Variants in LDLRAD3 observed in about 807,000 individuals in gnomAD.
LDLRAD3 encodes low-density lipoprotein receptor class A domain-containing protein 3.
In LDLRAD3, 20 loss-of-function variants were observed where a neutral mutation model predicts 29.4. The ratio of observed to expected loss-of-function variants is 0.68; its 90% CI spans 0.48 to 0.99. The LOEUF (loss-of-function observed/expected upper bound fraction) is 0.99, where lower values mean the gene tolerates loss of function less well. LDLRAD3 is among the 50% of genes least tolerant of loss of function. The probability of loss-of-function intolerance (pLI) is 0.00; values close to 1 mark genes in which losing one functional copy is unlikely to be tolerated. For missense variants in LDLRAD3, 420 were observed against 454.3 expected, an observed-to-expected ratio of 0.92 and a Z score of 0.69; for synonymous variants, 157 against 192.7, an observed-to-expected ratio of 0.81 and a Z score of 1.53.
At chr11:35,976,505 A>G (rs547571428) in intron 1 of LDLRAD3, among the ~76,000 whole-genome samples, 1 of 152,270 alleles carries the variant, frequency 6.6e-6, no homozygotes, top group South Asian at 2.1e-4. Flanking sequence ...GGGGCAATGG[A>G]TGAGGGATGC....
intron 4 of LDLRAD3, among the ~76,000 whole-genome samples, chr11:36,185,340 G>A (rs963335460): frequency 6.6e-6 from 1 of 152,172 alleles, no homozygotes; most frequent in Non-Finnish European, 1.5e-5. Context: ...AGATCAAATA[G>A]TACTTTTAGA....
At chr11:36,089,785 T>C (rs1405364826) in intron 3 of LDLRAD3, among the ~76,000 whole-genome samples, 7 of 151,802 alleles carry the variant, frequency 4.6e-5, no homozygotes, top group Admixed American at 4.6e-4. Context: ...CTTTTTTTTT[T>C]TTTTTTTGTA....
At chr11:36,113,776 C>T (rs995886488) in intron 4 of LDLRAD3, among the ~76,000 whole-genome samples, 6 of 150,964 alleles carry the variant, frequency 4.0e-5, no homozygotes, top group South Asian at 2.1e-4. Context: ...CAGGTTCATG[C>T]GATTCTCCTG....
chr11:36,221,884 T>C (rs1226922680), intron 4 of LDLRAD3, among the ~76,000 whole-genome samples: 1 of 152,188 alleles, frequency 6.6e-6, no homozygotes, highest in Admixed American at 6.5e-5. Flanking sequence ...TTTGCTTTTT[T>C]CCCCTTATTT....
intron 4 of LDLRAD3, among the ~76,000 whole-genome samples, chr11:36,124,378 C>CT (rs1420037200): frequency 6.6e-6 from 1 of 152,140 alleles, no homozygotes; most frequent in Non-Finnish European, 1.5e-5. Context: ...TTGTAACTGA[C>CT]TTTTTTAATA....
intron 2 of LDLRAD3, among the ~76,000 whole-genome samples, chr11:36,075,134 C>T (rs1852975852): frequency 6.6e-6 from 1 of 152,104 alleles, no homozygotes; most frequent in Non-Finnish European, 1.5e-5. Context: ...TGACCAGCCT[C>T]TCATAAAAAC....
In LDLRAD3 at chr11:36,213,941, C is replaced by T. The variant is rs548604995; in HGVS notation, c.455-13144C>T. Among the ~76,000 whole-genome samples, 1 of 152,332 alleles carries T rather than the reference C, an allele frequency of 6.6e-6. No individual in the cohort carries two copies. Among genetic ancestry groups the T allele is most frequent in the Admixed American group, 6.5e-5 (1 of 15,308 alleles). ...GGTAAAAGGAAACTACAGAAGCAAG[C>T]TCACAGTCGCTTCACTCGGCTCAAA... On this transcript the variant is annotated intron_variant, in intron 4 of 5. Transcript: ENST00000315571. This position sits in a 1 kb window ranked among gnomAD's most constrained non-coding sequence, Gnocchi z 4.1.
chr11:36,111,848 C>T (rs1340766489), intron 4 of LDLRAD3, among the ~76,000 whole-genome samples: 4 of 152,340 alleles, frequency 2.6e-5, no homozygotes, highest in South Asian at 2.1e-4. Context: ...CCACCTGCCT[C>T]GGCCTCCCAA....
chr11:36,195,083 A>G (rs1008452224), intron 4 of LDLRAD3, among the ~76,000 whole-genome samples: 1 of 152,176 alleles, frequency 6.6e-6, no homozygotes, highest in African/African-American at 2.4e-5. Context: ...GAGCTTTTTA[A>G]AAGAGGAAAT....
At chr11:36,146,770 CTACTT>C (rs769768262) in intron 4 of LDLRAD3, among the ~76,000 whole-genome samples, 22 of 57,552 alleles carry the variant, frequency 3.8e-4, no homozygotes, top group South Asian at 6.0e-4. Flanking sequence ...AAATTTCCCT[CTACTT>C]TATTTTATTT....
chr11:36,193,814 G>A (rs937655151), intron 4 of LDLRAD3, among the ~76,000 whole-genome samples: 2 of 152,118 alleles, frequency 1.3e-5, no homozygotes, highest in African/African-American at 2.4e-5. Context: ...AAAAGCCACC[G>A]AGTGTAGTGG....
chr11:36,044,948 T>G (rs974220857), intron 2 of LDLRAD3, among the ~76,000 whole-genome samples: 28 of 152,256 alleles, frequency 1.8e-4, no homozygotes, highest in African/African-American at 5.3e-4. Context: ...GCGCTCAGGC[T>G]TCTCAGCCTC....
chr11:36,160,418 A>G (rs534738869), intron 4 of LDLRAD3, among the ~76,000 whole-genome samples: 2 of 152,242 alleles, frequency 1.3e-5, no homozygotes, highest in East Asian at 3.9e-4. Context: ...TCCTCCTTGA[A>G]ATATTTAATT....
At chr11:36,061,476 G>T (rs1852699495) in intron 2 of LDLRAD3, among the ~76,000 whole-genome samples, 1 of 152,118 alleles carries the variant, frequency 6.6e-6, no homozygotes, top group African/African-American at 2.4e-5. Flanking sequence ...ACCTGGCATA[G>T]TGGAGGTGAT....
At chr11:36,168,196 T>C (rs1854542189) in intron 4 of LDLRAD3, among the ~76,000 whole-genome samples, 1 of 152,202 alleles carries the variant, frequency 6.6e-6, no homozygotes, top group Non-Finnish European at 1.5e-5. Context: ...GTAATGTATA[T>C]TTCATTAACA....
chr11:36,151,479 T>G (rs1854277248), intron 4 of LDLRAD3, among the ~76,000 whole-genome samples: 1 of 152,202 alleles, frequency 6.6e-6, no homozygotes, highest in Non-Finnish European at 1.5e-5. Context: ...AAACTAAGGC[T>G]ACAAATGTTA....
rs566945860 is a variant in LDLRAD3, at chr11:36,041,477, T to C, written c.193+5228T>C. 3.3e-5 allele frequency among the ~76,000 whole-genome samples: 5 copies of C among 152,342 alleles called. No homozygotes were observed. The East Asian group carries it at 7.7e-4, about 23-fold the overall frequency. On this transcript the variant is annotated intron_variant, in intron 2 of 5. Coordinates refer to ENST00000315571, the MANE Select transcript of LDLRAD3 (RefSeq NM_174902.4). ...GGAATCTTACTGCTATCATGACATA[T>C]TATCATGTCAAACCTGCTTTTTAAA...
chr11:36,099,970 A>G (rs1191600018), intron 4 of LDLRAD3, among the ~76,000 whole-genome samples: 7 of 152,122 alleles, frequency 4.6e-5, no homozygotes. Context: ...TTCTCAAAGT[A>G]TAATCCTCAG....
At chr11:35,951,986 C>T (rs1356757924) in intron 1 of LDLRAD3, among the ~76,000 whole-genome samples, 1 of 152,196 alleles carries the variant, frequency 6.6e-6, no homozygotes, top group Non-Finnish European at 1.5e-5. Context: ...GGCCATCTTT[C>T]TTTCGGCTCT....
Sources: gnomAD v4.1 joint callset for allele counts (sites outside exome capture counted in the v4.1 genomes callset) on GRCh38, gnomAD v4.1.1 for gene constraint, Gnocchi (gnomAD v3.1) non-coding constraint, MANE v1.5 for transcripts, NCBI Gene and HGNC (gene_info 2026-07-23, HGNC 2026-07-21) for gene names.